MED26: variants seen among roughly 807,000 people sequenced by gnomAD.
MED26 encodes mediator of RNA polymerase II transcription subunit 26.
In MED26, 7 loss-of-function variants were observed where a neutral mutation model predicts 43.7. That is an observed-to-expected ratio of 0.16 (90% confidence interval 0.09 to 0.30). The LOEUF (loss-of-function observed/expected upper bound fraction) is 0.30. Among genes scored for constraint, MED26 ranks in the 10% least tolerant of loss-of-function variants. MED26 has a pLI of 1.00. For missense variants in MED26, 784 were observed against 840.6 expected, an observed-to-expected ratio of 0.93 and a Z score of 0.83; for synonymous variants, 375 against 371.1, an observed-to-expected ratio of 1.01 and a Z score of -0.12.
chr19:16,599,928 A>G (rs2086140665), intron 1 of MED26, among the ~76,000 whole-genome samples: 1 of 152,210 alleles, frequency 6.6e-6, no homozygotes, highest in African/African-American at 2.4e-5. Flanking sequence ...TCTCACCACC[A>G]AAGGGCACTA....
chr19:16,599,411 C>G (rs1036826321), intron 1 of MED26, among the ~76,000 whole-genome samples: 1 of 152,130 alleles, frequency 6.6e-6, no homozygotes. Context: ...ACAAATGTCA[C>G]GCCTCTCACA....
rs1300223781 is a variant in MED26, at chr19:16,628,157, C to T, written c.-214G>A. On this transcript the variant is annotated 5_prime_UTR_variant, in exon 1 of 3. Transcript: ENST00000263390. Reference sequence around the variant, plus strand: ...CCACCAAAGGAGGAGGAGGAGCCGCCGGAGCCGCCGCCGCTCGCTGCCGCC... The same window carrying T: ...CCACCAAAGGAGGAGGAGGAGCCGCTGGAGCCGCCGCCGCTCGCTGCCGCC... 1 of 363,656 alleles carries T rather than the reference C, an allele frequency of 2.7e-6. No individual in the cohort carries two copies. The highest frequency in any genetic ancestry group is 4.9e-6 in the Non-Finnish European group (1 of 205,838). 22.5% of individuals were successfully genotyped at this position (363,656 alleles called of 1,614,324 possible).
At position 16,586,527 on chromosome 19, in the gene MED26, G is replaced by A. The variant is rs2086071385; in HGVS notation, c.73-8118C>T. ...ACAAACAGTTCCTTGAACCCACACA[G>A]GGCCACCTCCACGGTCTCCGTGTTG... On this transcript the variant is annotated intron_variant, in intron 1 of 2. Coordinates refer to ENST00000263390, the MANE Select transcript of MED26 (RefSeq NM_004831.5). This position sits in a 1 kb window ranked among gnomAD's most constrained non-coding sequence, Gnocchi z 5.1. 6.6e-6 allele frequency among the ~76,000 whole-genome samples: 1 copy of A among 152,252 alleles called. No homozygotes were observed. Among genetic ancestry groups the A allele is most frequent in the African/African-American group, 2.4e-5 (1 of 41,464 alleles).
intron 1 of MED26, among the ~76,000 whole-genome samples, chr19:16,609,236 C>T (rs117766930): frequency 0.057 from 7,726 of 134,790 alleles, 268 homozygotes; most frequent in South Asian, 0.075. Flanking sequence ...CACTTGAATC[C>T]GGGAGGTGGA....
chr19:16,620,734 A>C (rs1031430096), intron 1 of MED26, among the ~76,000 whole-genome samples: 2 of 152,236 alleles, frequency 1.3e-5, no homozygotes, highest in Non-Finnish European at 2.9e-5. Context: ...GAGGCTCCCA[A>C]CTGGAGGCAG....
intron 1 of MED26, among the ~76,000 whole-genome samples, chr19:16,593,330 T>C (rs972340521): frequency 2.0e-5 from 3 of 152,158 alleles, no homozygotes; most frequent in Admixed American, 6.5e-5. Flanking sequence ...GCTCCTCCCC[T>C]GGTCATCTGG....
chr19:16,627,581 G>A lies in MED26; in HGVS notation c.72+291C>T, dbSNP rs183378995. On this transcript the variant is annotated intron_variant, in intron 1 of 2. Transcript: ENST00000263390. ...AGAGAAGCTTCGTCCAGAGCAGTGA[G>A]GGTCGTAGAGCTGGAGCAGAAAGGG... is the stretch of plus-strand genomic sequence containing the variant. Among the ~76,000 whole-genome samples the A allele has an allele frequency of 2.8e-4, 42 of 152,340 alleles. No individual in the cohort carries two copies. The East Asian group carries it at 6.2e-3, about 22-fold the overall frequency.
chr19:16,577,729 T>TC lies in MED26; in HGVS notation c.148-48dup, dbSNP rs767372274. 7 of 1,462,552 alleles carry TC rather than the reference T, an allele frequency of 4.8e-6. No homozygotes were observed. The highest frequency in any genetic ancestry group is 6.5e-6 in the Non-Finnish European group (7 of 1,082,866). The allele number at this position is 1,462,552 out of a possible 1,614,324, so 90.6% of individuals were successfully genotyped here. ...GACATACTTTCGGGACAGGAACTTC[T>TC]CCATGAGCTGAGCCAGAAATGGTGG... On this transcript the variant is annotated intron_variant, in intron 2 of 2. Coordinates refer to ENST00000263390, the MANE Select transcript of MED26 (RefSeq NM_004831.5). The surrounding 1 kb of genome is among the most constrained non-coding windows in gnomAD (Gnocchi z 8.1).
chr19:16,614,841 C>A (rs59543705), intron 1 of MED26, among the ~76,000 whole-genome samples: 4,469 of 152,254 alleles, frequency 0.029, 168 homozygotes, highest in Admixed American at 0.084. Context: ...GGGGTCTGGC[C>A]AAATCCAGCC....
intron 1 of MED26, among the ~76,000 whole-genome samples, chr19:16,619,898 A>G (rs1877990665): frequency 6.6e-6 from 1 of 152,142 alleles, no homozygotes; most frequent in African/African-American, 2.4e-5. Flanking sequence ...ATCTGGGGGG[A>G]TGTGTGTCCA....
Position 16,576,380 on chromosome 19 carries a change from C to T in MED26, c.1450G>A (p.Glu484Lys), listed in dbSNP as rs1453504677. 9 of 1,614,028 alleles carry T rather than the reference C, an allele frequency of 5.6e-6. No homozygotes were observed. Among genetic ancestry groups the T allele is most frequent in the African/African-American group, 1.3e-5 (1 of 74,916 alleles). Residue 484 changes from glutamate (E) to lysine (K), a missense_variant, in exon 3 of 3, where the codon GAG becomes AAG. Physicochemically the swap from Glu to Lys is moderately conservative, Grantham distance 56. Coordinates refer to ENST00000263390, the MANE Select transcript of MED26 (RefSeq NM_004831.5). The surrounding 1 kb of genome is among the most constrained non-coding windows in gnomAD (Gnocchi z 6.8). ...CGGCTCAGGTAGGACTGGATGATCTCGTTGCGTGACAGCTCCTTCCAGTTC... is the reference window on the plus strand; with the variant it reads ...CGGCTCAGGTAGGACTGGATGATCTTGTTGCGTGACAGCTCCTTCCAGTTC... Reference protein sequence around the residue: ...QTNWKELSRNEIIQSYLSRQS... With the variant: ...QTNWKELSRNKIIQSYLSRQS...
intron 1 of MED26, among the ~76,000 whole-genome samples, chr19:16,582,578 G>T (rs566641051): frequency 6.6e-6 from 1 of 152,194 alleles, no homozygotes; most frequent in Non-Finnish European, 1.5e-5. Flanking sequence ...CACTCTCATG[G>T]AGGTGGCCCT....
At chr19:16,605,769 G>A (rs73516938) in intron 1 of MED26, among the ~76,000 whole-genome samples, 5,599 of 152,288 alleles carry the variant, frequency 0.037, 240 homozygotes, top group Admixed American at 0.088. Context: ...GGGACTGACA[G>A]GCAGACTCCA....
intron 1 of MED26, among the ~76,000 whole-genome samples, chr19:16,591,116 G>T (rs1306707614): frequency 6.6e-6 from 1 of 152,024 alleles, no homozygotes; most frequent in Middle Eastern, 3.4e-3. Context: ...AAACACCCAT[G>T]GAGGCAGACA....
rs142027617 is a variant in MED26 at position 16,579,490 on chromosome 19, A to G, written c.73-1081T>C. 5.8e-3 allele frequency among the ~76,000 whole-genome samples: 885 copies of G among 152,334 alleles called. 10 individuals carry two copies. Among genetic ancestry groups the G allele is most frequent in the African/African-American group, 0.019 (800 of 41,586 alleles). On this transcript the variant is annotated intron_variant, in intron 1 of 2. Transcript: ENST00000263390. ...GCAGAGTGAAGCATGAACACATCCCATGACCAAGTAATCCCTCCCTTTTAG... is the reference window on the plus strand; with the variant it reads ...GCAGAGTGAAGCATGAACACATCCCGTGACCAAGTAATCCCTCCCTTTTAG...
Position 16,577,116 on chromosome 19 carries a change from G to A in MED26, c.714C>T (p.Pro238=), listed in dbSNP as rs777512165. ...CCTTTGGCTGCAAGCAGGGTCCAGG[G>A]GGCTTGCCCAGGCCCGGGGAGCTGG... is the stretch of plus-strand genomic sequence containing the variant. The part of the protein sequence containing the change: ...PHTSSPGLGK[P]PGPCLQPKAS... The change falls in exon 3 of 3, where the codon CCC becomes CCT. Residue 238 remains proline (P), a synonymous_variant. Transcript: ENST00000263390. This position sits in a 1 kb window ranked among gnomAD's most constrained non-coding sequence, Gnocchi z 8.1. 6.2e-7 allele frequency: 1 copy of A among 1,613,124 alleles called. No individual in the cohort carries two copies. The highest frequency in any genetic ancestry group is 2.2e-5 in the East Asian group (1 of 44,872).
chr19:16,585,471 CAT>C (rs772572950), intron 1 of MED26, among the ~76,000 whole-genome samples: 2 of 152,106 alleles, frequency 1.3e-5, no homozygotes, highest in Non-Finnish European at 2.9e-5. Context: ...AGGGGAGAAA[CAT>C]AACAATGAGC....
rs1383705491 is a variant in MED26, at chr19:16,575,931, C to T, written c.*96G>A. On this transcript the variant is annotated 3_prime_UTR_variant, in exon 3 of 3. Coordinates refer to ENST00000263390, the MANE Select transcript of MED26 (RefSeq NM_004831.5). ...TGGGCCGGACTCCCCGAGTTCCCAGCGCAGGAGGCAGCTGGGCCCCGGCCA... is the reference window on the plus strand; with the variant it reads ...TGGGCCGGACTCCCCGAGTTCCCAGTGCAGGAGGCAGCTGGGCCCCGGCCA... The T allele has an allele frequency of 6.8e-6, 8 of 1,183,564 alleles. No individual in the cohort carries two copies. Among genetic ancestry groups the T allele is most frequent in the East Asian group, 2.5e-5 (1 of 39,602 alleles). 73.3% of individuals were successfully genotyped at this position (1,183,564 alleles called of 1,614,324 possible).
intron 1 of MED26, among the ~76,000 whole-genome samples, chr19:16,605,164 A>G (rs1174146830): frequency 6.6e-6 from 1 of 152,248 alleles, no homozygotes; most frequent in African/African-American, 2.4e-5. Context: ...GCTAAATAAA[A>G]AGACAAATGT....
Sources: allele counts gnomAD v4.1 joint callset (sites outside exome capture counted in the v4.1 genomes callset), GRCh38; gene constraint gnomAD v4.1.1; non-coding constraint Gnocchi (gnomAD v3.1); transcripts MANE v1.5; gene names NCBI Gene and HGNC (gene_info 2026-07-23, HGNC 2026-07-21).